The following SPMIP5 variants were observed in gnomAD, a reference collection of about 807,000 sequenced individuals.
The protein encoded by SPMIP5 is sperm-associated microtubule inner protein 5.
chr10:116,667,058 T>A, the SPMIP5 span, among the ~76,000 whole-genome samples: 7 of 152,168 alleles, frequency 4.6e-5, no homozygotes, highest in Admixed American at 2.6e-4. Flanking sequence ...GTAATTAAGT[T>A]AAGGGCCTAA....
the SPMIP5 span, among the ~76,000 whole-genome samples, chr10:116,662,568 A>T: frequency 5.9e-4 from 90 of 152,064 alleles, no homozygotes; most frequent in Admixed American, 1.2e-3. Context: ...CTTGGAAAAA[A>T]CCTCCGAGGC....
At chr10:116,663,181 C>CAA in the SPMIP5 span, among the ~76,000 whole-genome samples, 47 of 96,866 alleles carry the variant, frequency 4.9e-4, no homozygotes, top group African/African-American at 1.1e-3. Context: ...GATTCTGTCT[C>CAA]AAAAAAAAAA....
At chr10:116,668,163 G>T in the SPMIP5 span, 1 of 1,231,648 alleles carries the variant, frequency 8.1e-7, no homozygotes, top group Non-Finnish European at 1.2e-6. Context: ...TGGTCCAGTT[G>T]GCTGCACAGA....
the SPMIP5 span, among the ~76,000 whole-genome samples, chr10:116,666,781 C>G: frequency 6.6e-6 from 1 of 152,302 alleles, no homozygotes; most frequent in Non-Finnish European, 1.5e-5. Context: ...CAGTGGTTTC[C>G]CTGCCATCAG....
the SPMIP5 span, chr10:116,664,017 T>C: frequency 6.4e-7 from 1 of 1,558,546 alleles, no homozygotes; most frequent in Non-Finnish European, 8.7e-7. Context: ...TGGGGTCCTC[T>C]CTCAGGGGCC....
At chr10:116,663,873 T>G in the SPMIP5 span, 1 of 1,497,886 alleles carries the variant, frequency 6.7e-7, no homozygotes, top group African/African-American at 1.4e-5. Flanking sequence ...GAAGCCCCAC[T>G]TAAAGTTCAC....
At chr10:116,664,432 C>T in the SPMIP5 span, 638 of 789,232 alleles carry the variant, frequency 8.1e-4, 5 homozygotes, top group African/African-American at 0.01. Context: ...CTCCTCATTT[C>T]GCAGAAGAGA....
chr10:116,664,615 A>C, the SPMIP5 span: 2 of 1,445,422 alleles, frequency 1.4e-6, no homozygotes, highest in Non-Finnish European at 1.8e-6. Flanking sequence ...GGAAGCCCTG[A>C]AACTACAAAT....
the SPMIP5 span, among the ~76,000 whole-genome samples, chr10:116,668,596 G>A: frequency 1.3e-5 from 2 of 151,758 alleles, no homozygotes; most frequent in South Asian, 2.1e-4. Context: ...CCCTCCATCC[G>A]ACCTCCAGCC....
At chr10:116,668,610 C>T in the SPMIP5 span, among the ~76,000 whole-genome samples, 1 of 152,036 alleles carries the variant, frequency 6.6e-6, no homozygotes, top group South Asian at 2.1e-4. Context: ...TCCAGCCATC[C>T]AACAATTGTG....
chr10:116,665,577 G>T, the SPMIP5 span: 1 of 1,593,374 alleles, frequency 6.3e-7, no homozygotes, highest in Non-Finnish European at 8.6e-7. Flanking sequence ...GTGACCAGGG[G>T]TGAGGGGAAA....
At chr10:116,666,754 C>A in the SPMIP5 span, among the ~76,000 whole-genome samples, 1 of 152,188 alleles carries the variant, frequency 6.6e-6, no homozygotes, top group Non-Finnish European at 1.5e-5. Context: ...ATTATGAAGA[C>A]CCTAGGGGCT....
At chr10:116,663,485 G>T in the SPMIP5 span, among the ~76,000 whole-genome samples, 1 of 152,098 alleles carries the variant, frequency 6.6e-6, no homozygotes, top group Non-Finnish European at 1.5e-5. Context: ...GACCCTCCTG[G>T]GGACTGGGAT....
chr10:116,666,568 G>T, the SPMIP5 span, among the ~76,000 whole-genome samples: 2 of 151,810 alleles, frequency 1.3e-5, no homozygotes, highest in East Asian at 3.9e-4. Flanking sequence ...TTTTGCCATG[G>T]TCTCCAGGAA....
At chr10:116,663,788 A>T in the SPMIP5 span, 2 of 1,167,172 alleles carry the variant, frequency 1.7e-6, no homozygotes, top group Non-Finnish European at 2.3e-6. Flanking sequence ...TGCAGGCGGC[A>T]GTTAAAAAAT....
the SPMIP5 span, among the ~76,000 whole-genome samples, chr10:116,668,011 A>G: frequency 6.6e-6 from 1 of 152,206 alleles, no homozygotes; most frequent in Non-Finnish European, 1.5e-5. Flanking sequence ...AATTCATTCA[A>G]CAGGCATTAA....
At chr10:116,668,933 G>GCGCGCGCACACA in the SPMIP5 span, among the ~76,000 whole-genome samples, 6 of 135,282 alleles carry the variant, frequency 4.4e-5, no homozygotes, top group African/African-American at 1.8e-4. Context: ...GCACACACAT[G>GCGCGCGCACACA]CACACACACA....
At chr10:116,667,182 G>T in the SPMIP5 span, among the ~76,000 whole-genome samples, 1 of 152,202 alleles carries the variant, frequency 6.6e-6, no homozygotes, top group East Asian at 1.9e-4. Flanking sequence ...TGCCGTGTGA[G>T]GATGAAGAGA....
the SPMIP5 span, among the ~76,000 whole-genome samples, chr10:116,667,425 G>C: frequency 6.6e-6 from 1 of 152,184 alleles, no homozygotes; most frequent in African/African-American, 2.4e-5. Context: ...CCATTTTATA[G>C]AATGTTGTAC....
Sources: gnomAD v4.1 joint callset for allele counts (sites outside exome capture counted in the v4.1 genomes callset) on GRCh38, gnomAD v4.1.1 for gene constraint, MANE v1.5 for transcripts, NCBI Gene and HGNC (gene_info 2026-07-23, HGNC 2026-07-21) for gene names.